Variants in EPHA5 observed in about 807,000 individuals in gnomAD.
The protein encoded by EPHA5 is EPH receptor A5, also known as ephrin type-A receptor 5.
In EPHA5, 60 loss-of-function variants were observed where a neutral mutation model predicts 105.0. That is an observed-to-expected ratio of 0.57 (90% CI 0.46 to 0.71). The LOEUF (loss-of-function observed/expected upper bound fraction) is 0.71, where lower values mean the gene tolerates loss of function less well. Ranked by LOEUF, EPHA5 falls within the 30% of genes least tolerant of loss-of-function variation. The probability of loss-of-function intolerance (pLI) is 0.00; values close to 1 mark genes in which losing one functional copy is unlikely to be tolerated. For missense variants in EPHA5, 1,218 were observed against 1,274.7 expected (o/e 0.96, Z 0.68); for synonymous variants, 513 against 449.1 (o/e 1.14, Z -1.80).
Position 65,348,815 on chromosome 4 carries a change from A to ATATAT in EPHA5, c.2446-613_2446-612insATATA, listed in dbSNP as rs71657404. On this transcript the variant is annotated intron_variant, in intron 13 of 16. Transcript: ENST00000613740. ...TGTGTATATATATATATATATATAT[A>ATATAT]TTTTTTTTTTTTTTTTTTGAGACAG... Among the ~76,000 whole-genome samples, 348 of 64,100 alleles carry ATATAT rather than the reference A, an allele frequency of 5.4e-3. 33 individuals are homozygous for ATATAT. The highest frequency in any genetic ancestry group is 0.046 in the Admixed American group (156 of 3,380). The allele number at this position is 64,100 out of a possible 152,430, so 42.1% of individuals were successfully genotyped here.
chr4:65,365,309 A>G, intron 10 of EPHA5, 107 bp from the exon 11 acceptor site: 1 of 806,494 alleles, frequency 1.2e-6, no homozygotes, highest in African/African-American at 1.7e-5. Context: ...AAACAAACAA[A>G]CAAACAAACA....
intron 5 of EPHA5, among the ~76,000 whole-genome samples, chr4:65,473,716 C>T (rs1729513516): frequency 6.6e-6 from 1 of 151,980 alleles, no homozygotes; most frequent in African/African-American, 2.4e-5. Flanking sequence ...GACACAGATC[C>T]AAACCATATC....
At chr4:65,456,908 A>C (rs961240725) in intron 5 of EPHA5, among the ~76,000 whole-genome samples, 1 of 152,126 alleles carries the variant, frequency 6.6e-6, no homozygotes, top group Non-Finnish European at 1.5e-5. Flanking sequence ...TTAGTGCCTG[A>C]AAATTCATAC....
At chr4:65,532,455 A>C (rs1443773481) in intron 3 of EPHA5, among the ~76,000 whole-genome samples, 1 of 151,994 alleles carries the variant, frequency 6.6e-6, no homozygotes, top group Non-Finnish European at 1.5e-5. Context: ...AGTCTATTTC[A>C]GTATAATAAT....
At chr4:65,376,557 G>A (rs1190034219) in intron 8 of EPHA5, among the ~76,000 whole-genome samples, 5 of 151,976 alleles carry the variant, frequency 3.3e-5, no homozygotes, top group African/African-American at 4.8e-5. Flanking sequence ...AGTGCCACGT[G>A]TATTCACAAT....
At chr4:65,457,099 A>G (rs1727674452) in intron 5 of EPHA5, among the ~76,000 whole-genome samples, 1 of 152,206 alleles carries the variant, frequency 6.6e-6, no homozygotes, top group East Asian at 1.9e-4. Flanking sequence ...TAAGCTACAC[A>G]TACTTTCAAT....
chr4:65,551,058 A>G (rs1164046738), intron 3 of EPHA5, among the ~76,000 whole-genome samples: 1 of 151,924 alleles, frequency 6.6e-6, no homozygotes, highest in African/African-American at 2.4e-5. Context: ...GTGTAGTTAC[A>G]TATTTGTACA....
chr4:65,541,643 A>G (rs1234959440), intron 3 of EPHA5, among the ~76,000 whole-genome samples: 1 of 151,980 alleles, frequency 6.6e-6, no homozygotes, highest in Non-Finnish European at 1.5e-5. Context: ...CTCCCACATG[A>G]TAACAGTGGG....
intron 3 of EPHA5, among the ~76,000 whole-genome samples, 156 bp from the exon 4 acceptor site, chr4:65,495,699 T>C (rs1022946516): frequency 6.6e-6 from 1 of 152,218 alleles, no homozygotes; most frequent in African/African-American, 2.4e-5. Flanking sequence ...GGATCATAAA[T>C]ACCAGGCTAT....
chr4:65,456,721 T>TACACACACACACAC (rs71604535), intron 5 of EPHA5, among the ~76,000 whole-genome samples: 124 of 124,044 alleles, frequency 1.0e-3, no homozygotes, highest in Non-Finnish European at 1.1e-3. Flanking sequence ...AAAATAAACA[T>TACACACACACACAC]ATACACACAC....
intron 3 of EPHA5, among the ~76,000 whole-genome samples, chr4:65,599,196 C>G (rs1411579666): frequency 1.3e-5 from 2 of 151,882 alleles, no homozygotes; most frequent in African/African-American, 4.8e-5. Flanking sequence ...TGGATTGGAA[C>G]TGGATAGTGA....
intron 2 of EPHA5, among the ~76,000 whole-genome samples, chr4:65,618,016 T>A (rs982768150): frequency 1.1e-4 from 17 of 152,296 alleles, no homozygotes; most frequent in African/African-American, 3.8e-4. Context: ...AGTATTTTTC[T>A]TCTCCTCATA....
At chr4:65,362,366 A>C (rs1449127074) in intron 11 of EPHA5, among the ~76,000 whole-genome samples, 1 of 151,766 alleles carries the variant, frequency 6.6e-6, no homozygotes, top group Non-Finnish European at 1.5e-5. Context: ...CATGAAATTA[A>C]GGACACAAAT....
intron 3 of EPHA5, among the ~76,000 whole-genome samples, chr4:65,534,335 C>T (rs953938532): frequency 1.3e-5 from 2 of 151,998 alleles, no homozygotes; most frequent in Admixed American, 6.5e-5. Flanking sequence ...GCCTGAGATT[C>T]GTGAAATATT....
intron 8 of EPHA5, among the ~76,000 whole-genome samples, chr4:65,387,523 G>C (rs538593076): frequency 6.6e-6 from 1 of 151,894 alleles, no homozygotes; most frequent in Non-Finnish European, 1.5e-5. Context: ...AAAAGCAACA[G>C]TATACACTAG....
chr4:65,403,831 A>G, intron 8 of EPHA5, among the ~76,000 whole-genome samples: 1 of 152,120 alleles, frequency 6.6e-6, no homozygotes, highest in East Asian at 1.9e-4. Context: ...ATCATGATTG[A>G]AGTATTCAGG....
At chr4:65,360,368 T>C (rs1488480282) in intron 11 of EPHA5, among the ~76,000 whole-genome samples, 6 of 151,670 alleles carry the variant, frequency 4.0e-5, no homozygotes, top group Non-Finnish European at 7.4e-5. Context: ...TGAATGTTTC[T>C]TGTCAAGCAT....
intron 3 of EPHA5, among the ~76,000 whole-genome samples, chr4:65,557,545 C>A (rs1377480683): frequency 6.6e-6 from 1 of 151,822 alleles, no homozygotes; most frequent in African/African-American, 2.4e-5. Flanking sequence ...AAATTAAATT[C>A]ATGAAGATTA....
At chr4:65,516,254 T>C (rs1734093414) in intron 3 of EPHA5, among the ~76,000 whole-genome samples, 1 of 152,168 alleles carries the variant, frequency 6.6e-6, no homozygotes, top group Non-Finnish European at 1.5e-5. Context: ...TTAACACATG[T>C]TTTGTATGTT....
Sources: gnomAD v4.1 joint callset for allele counts (sites outside exome capture counted in the v4.1 genomes callset) on GRCh38, gnomAD v4.1.1 for gene constraint, MANE v1.5 for transcripts, NCBI Gene and HGNC (gene_info 2026-07-23, HGNC 2026-07-21) for gene names.